The following MME variants were observed in gnomAD, a reference collection of about 807,000 sequenced individuals.
MME encodes the protein membrane metalloendopeptidase, also known as neprilysin.
A neutral mutation model predicts 113.2 loss-of-function variants in MME; 98 were observed. The observed-to-expected ratio is 0.87, with a 90% CI of 0.74 to 1.02. MME has a LOEUF of 1.02. Among genes scored for constraint, MME ranks in the 50% least tolerant of loss-of-function variants. MME has a pLI of 0.00. For synonymous variants in MME, 292 were observed against 300.6 expected (o/e 0.97, Z 0.30); for missense variants, 836 against 896.0 (o/e 0.93, Z 0.86).
At chr3:155,096,788 G>A (rs1187739357) in intron 3 of MME, among the ~76,000 whole-genome samples, 3 of 152,076 alleles carry the variant, frequency 2.0e-5, no homozygotes, top group Non-Finnish European at 4.4e-5. Context: ...CACAATCACA[G>A]CTCACTGTAG....
At chr3:155,147,796 C>G (rs1282076740) in intron 15 of MME, among the ~76,000 whole-genome samples, 2 of 152,124 alleles carry the variant, frequency 1.3e-5, no homozygotes, top group Admixed American at 6.6e-5. Context: ...TACATGATAC[C>G]CTGATGACAG....
At chr3:155,087,189 G>A (rs1426391239) in intron 3 of MME, among the ~76,000 whole-genome samples, 1 of 151,564 alleles carries the variant, frequency 6.6e-6, no homozygotes, top group Non-Finnish European at 1.5e-5. Context: ...GCAAAAAAAT[G>A]ACGGGAAAAT....
At chr3:155,070,060 T>C (rs1429806258) in intron 1 of MME, among the ~76,000 whole-genome samples, 7 of 152,234 alleles carry the variant, frequency 4.6e-5, no homozygotes. Flanking sequence ...ACAACTCTCC[T>C]ATAAGAATAT....
intron 1 of MME, among the ~76,000 whole-genome samples, chr3:155,033,196 C>A (rs1482223892): frequency 6.6e-6 from 1 of 152,152 alleles, no homozygotes; most frequent in Non-Finnish European, 1.5e-5. Flanking sequence ...GAATTGCAAA[C>A]ATGCTATGTG....
chr3:155,058,333 C>T (rs1191834915), intron 1 of MME, among the ~76,000 whole-genome samples: 2 of 152,104 alleles, frequency 1.3e-5, no homozygotes, highest in East Asian at 3.8e-4. Flanking sequence ...TGACAGTGTC[C>T]TATTTACTCT....
intron 8 of MME, among the ~76,000 whole-genome samples, chr3:155,133,511 A>G (rs1720339605): frequency 6.6e-6 from 1 of 151,450 alleles, no homozygotes; most frequent in Admixed American, 6.6e-5. Flanking sequence ...AAGGATAAAG[A>G]GACTGGAGCA....
chr3:155,053,982 A>C (rs1212243631), intron 1 of MME, among the ~76,000 whole-genome samples: 1 of 152,180 alleles, frequency 6.6e-6, no homozygotes, highest in East Asian at 1.9e-4. Flanking sequence ...GGAAATGAAA[A>C]TGTTTATCCT....
chr3:155,146,688 C>T (rs78062681), intron 14 of MME, among the ~76,000 whole-genome samples: 3,740 of 152,072 alleles, frequency 0.025, 163 homozygotes, highest in African/African-American at 0.086. Flanking sequence ...ACTCCAGGAA[C>T]CAATATTTAG....
At chr3:155,125,198 C>G (rs923028538) in intron 8 of MME, among the ~76,000 whole-genome samples, 1 of 148,744 alleles carries the variant, frequency 6.7e-6, no homozygotes, top group Non-Finnish European at 1.5e-5. Context: ...CGTCCGTCAC[C>G]CCTTTCTTTG....
At chr3:155,171,975 T>C (rs1712018877) in intron 20 of MME, 142 bp from the exon 21 acceptor site, 1 of 626,670 alleles carries the variant, frequency 1.6e-6, no homozygotes, top group Non-Finnish European at 2.9e-6. Context: ...CATAAAATAG[T>C]TGTAGGTTAC....
Position 155,140,370 on chromosome 3 carries a change from G to A in MME, c.957+78G>A, listed in dbSNP as rs1033106315. ...CATTGAAATACTCTTTCTAAAATTC[G>A]TCAAGTTTTTATTTATTGAAGTAAA... On this transcript the variant is annotated intron_variant, in intron 10 of 22. Coordinates refer to ENST00000360490, the MANE Select transcript of MME (RefSeq NM_007289.4). 22 of 782,714 alleles carry A rather than the reference G, an allele frequency of 2.8e-5. 1 individual carries two copies. Among genetic ancestry groups the A allele is most frequent in the African/African-American group, 1.1e-4 (6 of 52,978 alleles). 48.5% of individuals were successfully genotyped at this position (782,714 alleles called of 1,614,324 possible).
intron 3 of MME, among the ~76,000 whole-genome samples, chr3:155,114,767 TG>T (rs548283245): frequency 6.0e-4 from 92 of 152,150 alleles, no homozygotes; most frequent in Non-Finnish European, 1.1e-3. Flanking sequence ...GGACCCAGGG[TG>T]GAAGGACCCA....
At chr3:155,059,252 C>A (rs1382218760) in intron 1 of MME, among the ~76,000 whole-genome samples, 1 of 99,112 alleles carries the variant, frequency 1.0e-5, no homozygotes, top group Non-Finnish European at 1.9e-5. Context: ...GAGCAAAATT[C>A]TGTCTCAAAA....
chr3:155,024,256 T>C (rs2108108661), exon 1 of MME: 1 of 152,298 alleles, frequency 6.6e-6, no homozygotes, highest in Admixed American at 6.5e-5. Context: ...GACTTGCTCC[T>C]CTGAAAGCTG....
At position 155,167,024 on chromosome 3, in the gene MME, A is replaced by G. The variant is rs1299522334; in HGVS notation, c.1780+3A>G. 3 of 1,613,552 alleles carry G rather than the reference A, an allele frequency of 1.9e-6. No homozygotes were observed. Among genetic ancestry groups the G allele is most frequent in the Middle Eastern group, 1.7e-4 (1 of 6,056 alleles). On this transcript the variant is annotated splice_donor_region_variant and intron_variant, in intron 18 of 22. Coordinates refer to ENST00000360490, the MANE Select transcript of MME (RefSeq NM_007289.4). ...CACCCATGGCTTCGATGACAATGGT[A>G]AAGTGCAGTTGACATTTTCCTTTGG...
intron 1 of MME, among the ~76,000 whole-genome samples, chr3:155,038,986 A>G (rs1713219890): frequency 6.6e-6 from 1 of 152,214 alleles, no homozygotes; most frequent in Admixed American, 6.5e-5. Flanking sequence ...GTGGAGGAAT[A>G]AAAAAGAACC....
chr3:155,140,168 A>G lies in MME; in HGVS notation c.856-23A>G, dbSNP rs777390123. The G allele has an allele frequency of 6.6e-6, 10 of 1,522,104 alleles. No individual in the cohort carries two copies. The South Asian group carries it at 1.0e-4, about 16-fold the overall frequency. The allele number at this position is 1,522,104 out of a possible 1,614,324, so 94.3% of individuals were successfully genotyped here. A position where few individuals can be genotyped will look rare whatever the true frequency, so the allele number is the denominator to read the frequency against. ...CTAAAGAATTCTTAATTCTAAAATA[A>G]TGATTAAAAATTAAATCCATAGGCT... On this transcript the variant is annotated intron_variant, in intron 9 of 22. Transcript: ENST00000360490.
At chr3:155,086,794 T>C (rs1363733394) in intron 3 of MME, among the ~76,000 whole-genome samples, 2 of 152,052 alleles carry the variant, frequency 1.3e-5, no homozygotes, top group Non-Finnish European at 2.9e-5. Context: ...TTCTGCTGGA[T>C]ATTTTTAATT....
chr3:155,084,896 TTA>T (rs1715528218), intron 2 of MME, among the ~76,000 whole-genome samples, 161 bp from the exon 3 acceptor site: 1 of 152,212 alleles, frequency 6.6e-6, no homozygotes, highest in Admixed American at 6.5e-5. Flanking sequence ...TTTTATTTTC[TTA>T]TATTTTTTCT....
Sources: allele counts gnomAD v4.1 joint callset (sites outside exome capture counted in the v4.1 genomes callset), GRCh38; gene constraint gnomAD v4.1.1; transcripts MANE v1.5; gene names NCBI Gene and HGNC (gene_info 2026-07-23, HGNC 2026-07-21).